The following WFDC11 variants were observed in gnomAD, a reference collection of about 807,000 sequenced individuals.
WFDC11 encodes the protein protein WFDC11.
WFDC11 carries 9 observed loss-of-function variants against 9.9 expected under a neutral mutation model. The observed-to-expected ratio is 0.91, with a 90% CI of 0.55 to 1.58. WFDC11 has a LOEUF of 1.58. Ranked by LOEUF, WFDC11 falls within the 40% of genes most tolerant of loss-of-function variation. The pLI, the probability that WFDC11 is intolerant of heterozygous loss-of-function variation, is 0.00. For synonymous variants in WFDC11, 32 were observed against 33.3 expected, an observed-to-expected ratio of 0.96 and a Z score of 0.13; for missense variants, 106 against 101.7, an observed-to-expected ratio of 1.04 and a Z score of -0.18.
chr20:45,649,425 G>A (rs1568660466), intron 3 of WFDC11, 26 bp from the exon 4 acceptor site: 1 of 1,611,222 alleles, frequency 6.2e-7, no homozygotes, highest in Non-Finnish European at 8.5e-7. Context: ...GATGGTCAAA[G>A]GTTGATGGTA....
chr20:45,659,512 T>C (rs1284301041), intron 2 of WFDC11, among the ~76,000 whole-genome samples: 4 of 152,272 alleles, frequency 2.6e-5, no homozygotes, highest in Non-Finnish European at 5.9e-5. Context: ...AACGTCTTCT[T>C]CTGAGAAGTG....
At chr20:45,662,820 G>C (rs999954566) in intron 2 of WFDC11, among the ~76,000 whole-genome samples, 3 of 152,190 alleles carry the variant, frequency 2.0e-5, no homozygotes, top group African/African-American at 7.2e-5. Flanking sequence ...GATTCAGTTT[G>C]CCAGTGTTTT....
intron 2 of WFDC11, among the ~76,000 whole-genome samples, chr20:45,660,733 A>G (rs973368926): frequency 6.6e-6 from 1 of 152,186 alleles, no homozygotes; most frequent in Non-Finnish European, 1.5e-5. Flanking sequence ...ATGTCCCTAC[A>G]AAGGACATGA....
intron 2 of WFDC11, among the ~76,000 whole-genome samples, chr20:45,662,924 G>A (rs933146172): frequency 4.6e-5 from 7 of 152,202 alleles, no homozygotes; most frequent in African/African-American, 1.7e-4. Flanking sequence ...TCAGGATGAT[G>A]CTGGCCTCAT....
chr20:45,668,746 G>C (rs1010141547), intron 1 of WFDC11, among the ~76,000 whole-genome samples: 2 of 151,904 alleles, frequency 1.3e-5, no homozygotes, highest in African/African-American at 2.4e-5. Context: ...ATATTTTCCT[G>C]TACTCCTAAA....
intron 2 of WFDC11, among the ~76,000 whole-genome samples, chr20:45,660,572 C>G (rs537995480): frequency 4.6e-5 from 7 of 152,112 alleles, no homozygotes; most frequent in African/African-American, 1.4e-4. Flanking sequence ...CGCCTCTCCC[C>G]ACCCCACAAC....
At position 45,650,666 on chromosome 20, in the gene WFDC11, A is replaced by C; in HGVS notation, c.-51-15T>G. ...CCCAGTCGCTGCTAGAGATCAAGAC[A>C]TATAAATAGGGAAAGAGAGGTGTGA... On this transcript the variant is annotated splice_polypyrimidine_tract_variant and intron_variant, in intron 2 of 4. Coordinates refer to ENST00000324384, the MANE Select transcript of WFDC11 (RefSeq NM_147197.2). 7.5e-7 allele frequency: 1 copy of C among 1,329,584 alleles called. No homozygotes were observed. The highest frequency in any genetic ancestry group is 1.7e-5 in the Admixed American group (1 of 58,366). 82.4% of individuals were successfully genotyped at this position (1,329,584 alleles called of 1,614,324 possible). A position where few individuals can be genotyped will look rare whatever the true frequency, so the allele number is the denominator to read the frequency against.
At chr20:45,666,242 G>C (rs1983185760) in intron 2 of WFDC11, among the ~76,000 whole-genome samples, 1 of 152,256 alleles carries the variant, frequency 6.6e-6, no homozygotes, top group Non-Finnish European at 1.5e-5. Flanking sequence ...GCCCGGGAGA[G>C]AATCTCTTTG....
At chr20:45,666,240 G>A (rs1402337259) in intron 2 of WFDC11, among the ~76,000 whole-genome samples, 1 of 152,236 alleles carries the variant, frequency 6.6e-6, no homozygotes, top group Non-Finnish European at 1.5e-5. Context: ...AGGCCCGGGA[G>A]AGAATCTCTT....
At chr20:45,667,986 T>C (rs143835567) in intron 1 of WFDC11, among the ~76,000 whole-genome samples, 330 of 152,342 alleles carry the variant, frequency 2.2e-3, no homozygotes, top group African/African-American at 7.6e-3. Flanking sequence ...TAGTGCTAAA[T>C]ATTTATATTT....
intron 2 of WFDC11, among the ~76,000 whole-genome samples, chr20:45,660,224 T>C (rs1311941892): frequency 1.3e-5 from 2 of 152,128 alleles, no homozygotes; most frequent in Admixed American, 1.3e-4. Flanking sequence ...TCACTATTGT[T>C]GTTAAGTTCG....
intron 2 of WFDC11, 92 bp from the exon 3 acceptor site, chr20:45,650,743 C>A: frequency 1.5e-6 from 1 of 671,364 alleles, no homozygotes; most frequent in Non-Finnish European, 2.5e-6. Flanking sequence ...TCTCACTATT[C>A]CCCCTAGGCC....
intron 2 of WFDC11, among the ~76,000 whole-genome samples, chr20:45,663,070 G>T (rs1024640426): frequency 2.0e-5 from 3 of 152,134 alleles, no homozygotes; most frequent in Admixed American, 2.0e-4. Context: ...TTGGTTGGTA[G>T]GCTATTAATT....
intron 2 of WFDC11, among the ~76,000 whole-genome samples, chr20:45,658,525 A>G (rs1455829003): frequency 6.6e-6 from 1 of 151,836 alleles, no homozygotes; most frequent in East Asian, 1.9e-4. Flanking sequence ...GATCGTTTGT[A>G]TATCTGTGGT....
At chr20:45,662,278 A>G (rs562663204) in intron 2 of WFDC11, among the ~76,000 whole-genome samples, 6 of 152,214 alleles carry the variant, frequency 3.9e-5, no homozygotes, top group South Asian at 2.1e-4. Flanking sequence ...TGTATCCTGA[A>G]ACTTTGCTGA....
chr20:45,668,459 T>C (rs1983230721), intron 1 of WFDC11, among the ~76,000 whole-genome samples: 1 of 151,768 alleles, frequency 6.6e-6, no homozygotes, highest in African/African-American at 2.4e-5. Flanking sequence ...CTCATCAATT[T>C]ATATCATTTA....
intron 2 of WFDC11, among the ~76,000 whole-genome samples, chr20:45,652,119 AACAG>A (rs1982820852): frequency 1.3e-5 from 2 of 152,208 alleles, no homozygotes; most frequent in African/African-American, 4.8e-5. Context: ...GAGATCTGAG[AACAG>A]ACAGACTGCC....
At chr20:45,669,628 A>G (rs1983257022) in intron 1 of WFDC11, among the ~76,000 whole-genome samples, 2 of 152,240 alleles carry the variant, frequency 1.3e-5, no homozygotes, top group African/African-American at 4.8e-5. Context: ...GAAACTAATA[A>G]GAACAAAGAT....
chr20:45,662,239 G>T, intron 2 of WFDC11, among the ~76,000 whole-genome samples: 1 of 152,202 alleles, frequency 6.6e-6, no homozygotes, highest in East Asian at 1.9e-4. Flanking sequence ...TGGTGTATAA[G>T]AATGCTTGTG....
Sources: allele counts gnomAD v4.1 joint callset (sites outside exome capture counted in the v4.1 genomes callset), GRCh38; gene constraint gnomAD v4.1.1; transcripts MANE v1.5; gene names NCBI Gene and HGNC (gene_info 2026-07-23, HGNC 2026-07-21).